XPO6: variants seen among roughly 807,000 people sequenced by gnomAD.
The protein encoded by XPO6 is exportin-6.
Under a neutral mutation model 130.0 loss-of-function variants are expected in XPO6, and 3 were observed. The ratio of observed to expected loss-of-function variants is 0.02; its 90% CI spans 0.01 to 0.06. The LOEUF is 0.06. Among genes scored for constraint, XPO6 ranks in the 10% least tolerant of loss-of-function variants. XPO6 has a pLI of 1.00. For synonymous variants in XPO6, 524 were observed against 548.9 expected, an observed-to-expected ratio of 0.95 and a Z score of 0.63; for missense variants, 970 against 1,393.0, an observed-to-expected ratio of 0.70 and a Z score of 4.83.
At chr16:28,116,403 A>G (rs192644823) in intron 15 of XPO6, among the ~76,000 whole-genome samples, 47 of 151,688 alleles carry the variant, frequency 3.1e-4, no homozygotes, top group African/African-American at 1.1e-3. Flanking sequence ...CGGAGCTTGC[A>G]GTGAGCCAAG....
chr16:28,133,857 T>C lies in XPO6; in HGVS notation c.1520A>G (p.His507Arg). 1 of 1,614,044 alleles carries C rather than the reference T, an allele frequency of 6.2e-7. No homozygotes were observed. Among genetic ancestry groups the C allele is most frequent in the South Asian group, 1.1e-5 (1 of 91,074 alleles). ...VAKVMELLPT[H>R]AFSTLFPVLQ... ...GCACATTACCAGTGTGGAGAAGGCG[T>C]GCGTGGGCAGGAGCTCCATCACTTT... The change falls in exon 11 of 24, where the codon CAC (histidine) becomes CGC (arginine). Residue 507 changes from histidine (H) to arginine (R), a missense_variant. Around this residue, in one of 4 missense-constraint regions of XPO6, gnomAD observed 936 missense variants for 1,306.8 expected, o/e 0.72. Coordinates refer to ENST00000304658, the MANE Select transcript of XPO6 (RefSeq NM_015171.4).
intron 16 of XPO6, 36 bp downstream of exon 16, chr16:28,112,868 A>G (rs1349982406): frequency 6.3e-7 from 1 of 1,589,808 alleles, no homozygotes; most frequent in Non-Finnish European, 8.6e-7. Flanking sequence ...TCAGTCACAC[A>G]GCCCTGGGGA....
intron 9 of XPO6, among the ~76,000 whole-genome samples, chr16:28,142,328 A>AT (rs2042909754): frequency 6.6e-6 from 1 of 152,236 alleles, no homozygotes; most frequent in Non-Finnish European, 1.5e-5. Flanking sequence ...GCAAAACAGC[A>AT]TATCTCTGAT....
Position 28,121,718 on chromosome 16 carries a change from T to C in XPO6, c.1811A>G (p.Asn604Ser). Residue 604 changes from asparagine to serine, a missense_variant, in exon 14 of 24, where the codon AAC becomes AGC. Around this residue, in one of 4 missense-constraint regions of XPO6, gnomAD observed 936 missense variants for 1,306.8 expected, o/e 0.72. Transcript: ENST00000304658. ...TACTGATGGCACAGCAGTTTCAATG[T>C]TGTACAATTTTATCTGAGATCCGTA... ...TLYGSQIKLY[N>S]IETAVPSVLK... 1.2e-6 allele frequency: 2 copies of C among 1,614,134 alleles called. No individual in the cohort carries two copies. Among genetic ancestry groups the C allele is most frequent in the African/African-American group, 1.3e-5 (1 of 75,072 alleles).
At chr16:28,198,919 G>A (rs1445558648) in intron 1 of XPO6, among the ~76,000 whole-genome samples, 1 of 152,126 alleles carries the variant, frequency 6.6e-6, no homozygotes, top group African/African-American at 2.4e-5. Flanking sequence ...CGAGGTGGGT[G>A]GATCACCTGA....
intron 11 of XPO6, among the ~76,000 whole-genome samples, chr16:28,133,294 G>A (rs531300509): frequency 2.6e-5 from 4 of 151,932 alleles, no homozygotes; most frequent in South Asian, 2.1e-4. Flanking sequence ...CCAAGATCAC[G>A]CCACTGCACA....
In XPO6 at chr16:28,206,772, T is replaced by C. The variant is rs144401793; in HGVS notation, c.3+4594A>G. ...AATGCTGTGACTGACATACAAAACCTCTGGGTACTGCTGAACCTTTCCCTG... is the reference window on the plus strand; with the variant it reads ...AATGCTGTGACTGACATACAAAACCCCTGGGTACTGCTGAACCTTTCCCTG... On this transcript the variant is annotated intron_variant, in intron 1 of 23. Transcript: ENST00000304658. Among the ~76,000 whole-genome samples the C allele has an allele frequency of 2.2e-3, 329 of 152,282 alleles. 2 individuals carry two copies. The highest frequency in any genetic ancestry group is 7.0e-3 in the African/African-American group (289 of 41,554).
chr16:28,140,231 CA>C (rs61153494), intron 9 of XPO6, among the ~76,000 whole-genome samples: 6,261 of 58,946 alleles, frequency 0.11, 313 homozygotes, highest in East Asian at 0.29. Context: ...GACCCCATCT[CA>C]AAAAAAAAAA....
At chr16:28,123,479 T>G (rs530814747) in intron 13 of XPO6, among the ~76,000 whole-genome samples, 1 of 152,292 alleles carries the variant, frequency 6.6e-6, no homozygotes, top group Non-Finnish European at 1.5e-5. Context: ...CTACTCTGCG[T>G]GGAAACCTGG....
chr16:28,156,727 ATAAT>A (rs1014776955), intron 6 of XPO6, among the ~76,000 whole-genome samples, 200 bp from the exon 7 acceptor site: 3 of 152,228 alleles, frequency 2.0e-5, no homozygotes, highest in African/African-American at 7.2e-5. Flanking sequence ...CAAAAATAAG[ATAAT>A]TGATTATGAT....
chr16:28,112,886 G>C lies in XPO6; in HGVS notation c.2151+18C>G, dbSNP rs752666476. ...GTCACACAGCCCTGGGGACCCCGGGGGAGCTCTGGGGCCTCACCTTATCGA... is the reference window on the plus strand; with the variant it reads ...GTCACACAGCCCTGGGGACCCCGGGCGAGCTCTGGGGCCTCACCTTATCGA... On this transcript the variant is annotated intron_variant, in intron 16 of 23. Transcript: ENST00000304658. 9 of 1,609,018 alleles carry C rather than the reference G, an allele frequency of 5.6e-6. No homozygotes were observed. The highest frequency in any genetic ancestry group is 6.8e-6 in the Non-Finnish European group (8 of 1,176,558).
At chr16:28,207,618 T>C (rs1319507038) in intron 1 of XPO6, among the ~76,000 whole-genome samples, 2 of 152,214 alleles carry the variant, frequency 1.3e-5, no homozygotes, top group African/African-American at 4.8e-5. Context: ...GCTCCACCAC[T>C]ATCTATCTCT....
intron 6 of XPO6, 68 bp from the exon 7 acceptor site, chr16:28,156,595 C>A: frequency 9.3e-7 from 1 of 1,072,664 alleles, no homozygotes; most frequent in Non-Finnish European, 1.3e-6. Context: ...AAGTAATTCT[C>A]CTTCAAAAAA....
intron 14 of XPO6, 102 bp from the exon 15 acceptor site, chr16:28,117,564 C>T: frequency 7.2e-7 from 1 of 1,393,102 alleles, no homozygotes. Flanking sequence ...ACTGCATTTG[C>T]TGTTCTAAGA....
At chr16:28,170,108 G>A (rs575427368) in intron 4 of XPO6, among the ~76,000 whole-genome samples, 199 bp from the exon 5 acceptor site, 2 of 151,942 alleles carry the variant, frequency 1.3e-5, no homozygotes, top group African/African-American at 2.4e-5. Flanking sequence ...TGAGACGGGC[G>A]GATCACCTGA....
chr16:28,128,392 T>C (rs2042602056), intron 12 of XPO6, among the ~76,000 whole-genome samples: 1 of 152,104 alleles, frequency 6.6e-6, no homozygotes, highest in African/African-American at 2.4e-5. Context: ...TCCCTGGCAC[T>C]CTCCACATGC....
chr16:28,103,056 G>T (rs1036503515), intron 21 of XPO6, among the ~76,000 whole-genome samples: 1 of 152,084 alleles, frequency 6.6e-6, no homozygotes, highest in Admixed American at 6.5e-5. Flanking sequence ...AACTTTTGAG[G>T]TTTATCTTTC....
intron 5 of XPO6, among the ~76,000 whole-genome samples, chr16:28,168,777 TTTTG>T (rs1463960997): frequency 6.2e-5 from 9 of 144,350 alleles, no homozygotes; most frequent in Admixed American, 5.0e-4. Flanking sequence ...AACTTTTTTG[TTTTG>T]TTTTTTTTTT....
intron 20 of XPO6, 50 bp from the exon 21 acceptor site, chr16:28,104,757 GC>G: frequency 6.2e-7 from 1 of 1,602,960 alleles, no homozygotes; most frequent in Non-Finnish European, 8.5e-7. Flanking sequence ...AGCTGCTCCG[GC>G]CTGGGCCCAG....
Sources: gnomAD v4.1 joint callset for allele counts (sites outside exome capture counted in the v4.1 genomes callset) on GRCh38, gnomAD v4.1.1 for gene constraint, gnomAD v4.1.1 regional missense constraint, MANE v1.5 for transcripts, NCBI Gene and HGNC (gene_info 2026-07-23, HGNC 2026-07-21) for gene names.